The following ZNF407 variants were observed in gnomAD, a reference collection of about 807,000 sequenced individuals.
ZNF407 encodes the protein zinc finger protein 407.
A neutral mutation model predicts 131.2 loss-of-function variants in ZNF407; 17 were observed. The ratio of observed to expected loss-of-function variants is 0.13; its 90% CI spans 0.09 to 0.19. ZNF407 has a LOEUF of 0.19. ZNF407 is among the 10% of genes least tolerant of loss of function. ZNF407 has a pLI of 1.00. For missense variants in ZNF407, 2,681 were observed against 2,830.6 expected, an observed-to-expected ratio of 0.95 and a Z score of 1.20; for synonymous variants, 1,156 against 1,062.0, an observed-to-expected ratio of 1.09 and a Z score of -1.72.
In ZNF407 at chr18:74,742,927, C is replaced by CT. The variant is rs564590665; in HGVS notation, c.4803-38494dup. ...ATGGGTCTTAAGGCCAATTAGGATA[C>CT]TTTTTTTAATAGTCCAGCAATAGAT... On this transcript the variant is annotated intron_variant, in intron 3 of 8. Transcript: ENST00000299687. Among the ~76,000 whole-genome samples, 28 of 152,124 alleles carry CT rather than the reference C, an allele frequency of 1.8e-4. No homozygotes were observed. In the South Asian group the frequency reaches 5.0e-3, roughly 27 times the overall value.
chr18:74,852,191 ACACACACGCACG>A (rs1427538414), intron 4 of ZNF407, among the ~76,000 whole-genome samples: 7 of 74,268 alleles, frequency 9.4e-5, no homozygotes, highest in East Asian at 4.9e-4. Flanking sequence ...ACACACACAC[ACACACACGCACG>A]CACGCACGCG....
At chr18:75,032,688 G>A (rs996981410) in intron 8 of ZNF407, among the ~76,000 whole-genome samples, 4 of 151,246 alleles carry the variant, frequency 2.6e-5, no homozygotes, top group Admixed American at 2.6e-4. Context: ...AGACTGCTCA[G>A]AATGGGGGGA....
chr18:74,779,545 A>T (rs753644794), intron 3 of ZNF407, among the ~76,000 whole-genome samples: 1 of 152,142 alleles, frequency 6.6e-6, no homozygotes, highest in Non-Finnish European at 1.5e-5. Context: ...TTTGAACACA[A>T]TTGAGCTGTG....
chr18:74,875,313 G>A (rs752701496), intron 4 of ZNF407, among the ~76,000 whole-genome samples: 2 of 152,078 alleles, frequency 1.3e-5, no homozygotes, highest in African/African-American at 2.4e-5. Context: ...GTCATTTCAC[G>A]ACAGGCACAA....
At chr18:74,979,286 A>G (rs1177749937) in intron 8 of ZNF407, among the ~76,000 whole-genome samples, 1 of 152,106 alleles carries the variant, frequency 6.6e-6, no homozygotes, top group Non-Finnish European at 1.5e-5. Context: ...TAAGCTACAA[A>G]CTAGGTATCT....
intron 3 of ZNF407, among the ~76,000 whole-genome samples, chr18:74,648,191 T>C (rs1985061739): frequency 6.6e-6 from 1 of 152,158 alleles, no homozygotes; most frequent in Non-Finnish European, 1.5e-5. Context: ...CAGAAAACAC[T>C]TCCTTGGGCT....
intron 4 of ZNF407, among the ~76,000 whole-genome samples, chr18:74,790,893 A>C (rs1158888335): frequency 1.3e-5 from 2 of 152,210 alleles, no homozygotes; most frequent in African/African-American, 4.8e-5. Flanking sequence ...TATGAGAAAG[A>C]AGATATTTTT....
chr18:74,873,779 C>T (rs1353455675), intron 4 of ZNF407, among the ~76,000 whole-genome samples: 1 of 151,898 alleles, frequency 6.6e-6, no homozygotes, highest in Non-Finnish European at 1.5e-5. Context: ...ACTTCCATGG[C>T]ATAGCTACGT....
At chr18:74,723,011 T>C (rs1968075443) in intron 3 of ZNF407, among the ~76,000 whole-genome samples, 1 of 152,172 alleles carries the variant, frequency 6.6e-6, no homozygotes, top group Non-Finnish European at 1.5e-5. Context: ...TTTTAGTCCA[T>C]TTTTCTCCGT....
intron 4 of ZNF407, among the ~76,000 whole-genome samples, chr18:74,818,738 A>G (rs563938080): frequency 6.6e-6 from 1 of 152,300 alleles, no homozygotes; most frequent in African/African-American, 2.4e-5. Flanking sequence ...GGACTGAGGA[A>G]TAGATTACAT....
chr18:74,821,119 C>T (rs576676530), intron 4 of ZNF407, among the ~76,000 whole-genome samples: 23 of 151,924 alleles, frequency 1.5e-4, no homozygotes, highest in Admixed American at 1.5e-3. Context: ...AGTTTAGGTA[C>T]TAGTGTTATT....
chr18:74,615,288 C>T (rs1211387441), intron 1 of ZNF407, among the ~76,000 whole-genome samples: 1 of 152,214 alleles, frequency 6.6e-6, no homozygotes, highest in African/African-American at 2.4e-5. Context: ...GGGCAGATCA[C>T]GAGGTCAAGA....
intron 3 of ZNF407, among the ~76,000 whole-genome samples, chr18:74,675,608 G>C (rs1382504096): frequency 6.6e-6 from 1 of 152,152 alleles, no homozygotes; most frequent in Non-Finnish European, 1.5e-5. Flanking sequence ...TGTCTTTTCT[G>C]TGCTGTCTTT....
At chr18:74,608,410 T>C (rs996407811) in intron 1 of ZNF407, among the ~76,000 whole-genome samples, 8 of 151,274 alleles carry the variant, frequency 5.3e-5, no homozygotes. Context: ...GTGCAGTGGC[T>C]CATCTCGGCT....
In ZNF407 at chr18:75,064,992, C is replaced by T. The variant is rs551772830; in HGVS notation, c.*524C>T. ...AGTGTTACCATCTTGAAGCAGTCCA[C>T]TTCCATTCAATTTTTTTTTTTTAAT... On this transcript the variant is annotated 3_prime_UTR_variant, in exon 9 of 9. Coordinates refer to ENST00000299687, the MANE Select transcript of ZNF407 (RefSeq NM_017757.3). The T allele has an allele frequency of 1.3e-5, 2 of 152,152 alleles. No homozygotes were observed. The highest frequency in any genetic ancestry group is 1.5e-5 in the Non-Finnish European group (1 of 68,152). The allele number at this position is 152,152 out of a possible 1,614,324, so 9.4% of individuals were successfully genotyped here. A position where few individuals can be genotyped will look rare whatever the true frequency, so the allele number is the denominator to read the frequency against.
At chr18:75,004,870 G>A (rs954155739) in intron 8 of ZNF407, among the ~76,000 whole-genome samples, 2 of 152,164 alleles carry the variant, frequency 1.3e-5, no homozygotes, top group East Asian at 1.9e-4. Context: ...GCCTCTCCTC[G>A]GCCCCACCGC....
chr18:74,743,578 A>G (rs1012670649), intron 3 of ZNF407, among the ~76,000 whole-genome samples: 2 of 152,192 alleles, frequency 1.3e-5, no homozygotes, highest in Non-Finnish European at 2.9e-5. Flanking sequence ...ACAGGTAGTG[A>G]TAAAATCCTA....
chr18:74,751,549 TG>T (rs1401728058), intron 3 of ZNF407, among the ~76,000 whole-genome samples: 6 of 150,512 alleles, frequency 4.0e-5, no homozygotes, highest in Admixed American at 4.0e-4. Context: ...CAGGCCCCCA[TG>T]TGTGATGTTC....
At chr18:74,698,587 T>C (rs536987774) in intron 3 of ZNF407, among the ~76,000 whole-genome samples, 1 of 152,348 alleles carries the variant, frequency 6.6e-6, no homozygotes, top group South Asian at 2.1e-4. Flanking sequence ...TCATTAATCC[T>C]TGCAGGGGAC....
Sources: allele counts gnomAD v4.1 joint callset (sites outside exome capture counted in the v4.1 genomes callset), GRCh38; gene constraint gnomAD v4.1.1; transcripts MANE v1.5; gene names NCBI Gene and HGNC (gene_info 2026-07-23, HGNC 2026-07-21).